The following SHC3 variants were observed in gnomAD, a reference collection of about 807,000 sequenced individuals.
SHC3 encodes SHC-transforming protein 3.
In SHC3, 15 loss-of-function variants were observed where a neutral mutation model predicts 60.4. The observed-to-expected ratio is 0.25, with a 90% CI of 0.17 to 0.38. The LOEUF is 0.38. Ranked by LOEUF, SHC3 falls within the 10% of genes least tolerant of loss-of-function variation. SHC3 has a pLI of 1.00. For missense variants in SHC3, 677 were observed against 786.1 expected (o/e 0.86, Z 1.66); for synonymous variants, 294 against 325.9 (o/e 0.90, Z 1.05).
chr9:89,042,220 T>G, intron 9 of SHC3, 36 bp from the exon 10 acceptor site: 3 of 1,489,098 alleles, frequency 2.0e-6, no homozygotes, highest in Non-Finnish European at 2.7e-6. Flanking sequence ...TCTTTTACGA[T>G]GGTGACACTA....
intron 1 of SHC3, among the ~76,000 whole-genome samples, chr9:89,134,990 G>A (rs1217543645): frequency 2.6e-5 from 4 of 152,082 alleles, no homozygotes; most frequent in Non-Finnish European, 5.9e-5. Flanking sequence ...GTATACTCCT[G>A]TAAACAAAAT....
rs938023505 is a variant in SHC3 at position 89,145,128 on chromosome 9, G to A, written c.475-32502C>T. Among the ~76,000 whole-genome samples, 7 of 152,264 alleles carry A rather than the reference G, an allele frequency of 4.6e-5. No homozygotes were observed. In the Middle Eastern group the frequency reaches 0.017, roughly 370 times the overall value. On this transcript the variant is annotated intron_variant, in intron 1 of 11. Coordinates refer to ENST00000375835, the MANE Select transcript of SHC3 (RefSeq NM_016848.6). ...CCCAGGAGTACAGAAGAGTTGTAAA[G>A]AATAAGCAAATCCCTAAAACAGAAG...
At chr9:89,066,653 G>C (rs1825187832) in intron 5 of SHC3, among the ~76,000 whole-genome samples, 1 of 152,212 alleles carries the variant, frequency 6.6e-6, no homozygotes, top group Non-Finnish European at 1.5e-5. Context: ...ACTGATAAAA[G>C]TCTACCTCAT....
intron 1 of SHC3, among the ~76,000 whole-genome samples, chr9:89,123,257 A>C (rs1448596666): frequency 3.3e-5 from 5 of 152,202 alleles, no homozygotes; most frequent in Non-Finnish European, 7.3e-5. Flanking sequence ...CACAACTTCA[A>C]ATAATAAAAA....
chr9:89,045,709 CTTT>C, intron 9 of SHC3, 34 bp downstream of exon 9: 1 of 1,599,276 alleles, frequency 6.3e-7, no homozygotes, highest in Non-Finnish European at 8.6e-7. Flanking sequence ...TGAAAAGTGT[CTTT>C]TGTGTTTCTC....
At chr9:89,056,228 C>A (rs1184907401) in intron 6 of SHC3, among the ~76,000 whole-genome samples, 1 of 152,102 alleles carries the variant, frequency 6.6e-6, no homozygotes, top group South Asian at 2.1e-4. Context: ...ATGTTATCAG[C>A]TCTTCCATTT....
intron 4 of SHC3, among the ~76,000 whole-genome samples, chr9:89,074,505 A>T (rs1825322941): frequency 6.6e-6 from 1 of 152,168 alleles, no homozygotes; most frequent in African/African-American, 2.4e-5. Context: ...GAGAAATCTA[A>T]AAGATAGACA....
chr9:89,166,917 A>G (rs899488201), intron 1 of SHC3, among the ~76,000 whole-genome samples: 1 of 152,204 alleles, frequency 6.6e-6, no homozygotes, highest in Non-Finnish European at 1.5e-5. Context: ...TGTTGTCTGC[A>G]CCTTGAGGTT....
At chr9:89,145,365 C>G (rs1826454097) in intron 1 of SHC3, among the ~76,000 whole-genome samples, 1 of 152,154 alleles carries the variant, frequency 6.6e-6, no homozygotes, top group Non-Finnish European at 1.5e-5. Flanking sequence ...CCAATTATTT[C>G]CAAGGGGAAA....
At chr9:89,060,659 T>C (rs1587704111) in intron 6 of SHC3, among the ~76,000 whole-genome samples, 1 of 151,710 alleles carries the variant, frequency 6.6e-6, no homozygotes, top group East Asian at 1.9e-4. Context: ...CCTGTGGGTG[T>C]TGGGGGAATG....
Position 89,006,091 on chromosome 9 carries a change from T to A in SHC3, c.*7356A>T, listed in dbSNP as rs1028235802. The A allele has an allele frequency of 6.6e-6, 1 of 152,218 alleles. No individual in the cohort carries two copies. Among genetic ancestry groups the A allele is most frequent in the African/African-American group, 2.4e-5 (1 of 41,446 alleles). The allele number at this position is 152,218 out of a possible 1,614,324, so 9.4% of individuals were successfully genotyped here. A position where few individuals can be genotyped will look rare whatever the true frequency, so the allele number is the denominator to read the frequency against. On this transcript the variant is annotated 3_prime_UTR_variant, in exon 12 of 12. Coordinates refer to ENST00000375835, the MANE Select transcript of SHC3 (RefSeq NM_016848.6). ...CTGATAATAAAGGCACATTTTCCAA[T>A]AACCAATTATAACAAGAAGTGCAGC... is the stretch of plus-strand genomic sequence containing the variant.
chr9:89,096,213 C>T (rs1935817792), intron 2 of SHC3, among the ~76,000 whole-genome samples: 1 of 152,136 alleles, frequency 6.6e-6, no homozygotes, highest in Non-Finnish European at 1.5e-5. Flanking sequence ...ATTTTGCCTT[C>T]TACTAAGTAG....
chr9:89,062,567 G>GA (rs1207220711), intron 6 of SHC3, among the ~76,000 whole-genome samples: 2 of 152,280 alleles, frequency 1.3e-5, no homozygotes, highest in Admixed American at 1.3e-4. Flanking sequence ...AATCAGCACG[G>GA]AAAAAGACAA....
chr9:89,142,011 G>C (rs987049195), intron 1 of SHC3, among the ~76,000 whole-genome samples: 1 of 152,068 alleles, frequency 6.6e-6, no homozygotes, highest in Non-Finnish European at 1.5e-5. Flanking sequence ...TTCCCCTTTA[G>C]GGAGAAAAAA....
chr9:89,098,169 C>A (rs1232847192), intron 2 of SHC3, among the ~76,000 whole-genome samples: 2 of 152,102 alleles, frequency 1.3e-5, no homozygotes, highest in Non-Finnish European at 2.9e-5. Context: ...AAGTAACTAG[C>A]ATGCACTCTC....
chr9:89,126,439 C>G (rs745338925), intron 1 of SHC3, among the ~76,000 whole-genome samples: 1 of 152,196 alleles, frequency 6.6e-6, no homozygotes, highest in Non-Finnish European at 1.5e-5. Flanking sequence ...CTGCCTTGCA[C>G]TCTTTGCTGA....
At chr9:89,100,625 T>C (rs1038584163) in intron 2 of SHC3, among the ~76,000 whole-genome samples, 1 of 152,164 alleles carries the variant, frequency 6.6e-6, no homozygotes, top group African/African-American at 2.4e-5. Context: ...CCATGCCCCT[T>C]TTGTAATCAA....
chr9:89,118,931 T>C (rs957066360), intron 1 of SHC3, among the ~76,000 whole-genome samples: 1 of 152,214 alleles, frequency 6.6e-6, no homozygotes, highest in Non-Finnish European at 1.5e-5. Flanking sequence ...AAGTTGCAGA[T>C]ACACCTTATG....
chr9:89,027,719 C>T (rs924158120), intron 11 of SHC3, among the ~76,000 whole-genome samples: 3 of 152,168 alleles, frequency 2.0e-5, no homozygotes, highest in African/African-American at 7.2e-5. Flanking sequence ...GAATTAACAA[C>T]TTCTAAAAAC....
Sources: gnomAD v4.1 joint callset for allele counts (sites outside exome capture counted in the v4.1 genomes callset) on GRCh38, gnomAD v4.1.1 for gene constraint, MANE v1.5 for transcripts, NCBI Gene and HGNC (gene_info 2026-07-23, HGNC 2026-07-21) for gene names.